YTHDF3: variants seen among roughly 807,000 people sequenced by gnomAD.
YTHDF3 encodes YTH domain-containing family protein 3.
A neutral mutation model predicts 52.5 loss-of-function variants in YTHDF3; 9 were observed. The observed-to-expected ratio is 0.17, with a 90% CI of 0.10 to 0.30. YTHDF3 has a LOEUF of 0.30. YTHDF3 is among the 10% of genes least tolerant of loss of function. The pLI is 1.00. For missense variants in YTHDF3, 534 were observed against 715.0 expected (o/e 0.75, Z 2.89); for synonymous variants, 274 against 243.3 (o/e 1.13, Z -1.18).
At chr8:63,186,057 T>C (rs1449362000) in intron 3 of YTHDF3, 90 bp from the exon 4 acceptor site, 1 of 1,321,570 alleles carries the variant, frequency 7.6e-7, no homozygotes, top group African/African-American at 1.5e-5. Context: ...TTTCATTTAC[T>C]TAAAACTTCT....
intron 4 of YTHDF3, among the ~76,000 whole-genome samples, chr8:63,193,651 A>G (rs1377095013): frequency 1.3e-5 from 2 of 152,282 alleles, no homozygotes; most frequent in South Asian, 2.1e-4. Flanking sequence ...TAATTTAAGA[A>G]AAGATAACCA....
rs147659318 is a variant in YTHDF3, at chr8:63,171,406, C to T, written c.49+1995C>T. ...TTTCTTTTCACTTTCCTCACTTAAT[C>T]TATTTTTAAGGTGCAGGAAGACTCC... On this transcript the variant is annotated intron_variant, in intron 2 of 4. Coordinates refer to ENST00000539294, the MANE Select transcript of YTHDF3 (RefSeq NM_152758.6). 4.2e-3 allele frequency among the ~76,000 whole-genome samples: 636 copies of T among 152,268 alleles called. 2 individuals carry two copies. Among genetic ancestry groups the T allele is most frequent in the African/African-American group, 0.012 (507 of 41,558 alleles).
chr8:63,204,653 C>T (rs567683379), intron 4 of YTHDF3, among the ~76,000 whole-genome samples: 21 of 152,236 alleles, frequency 1.4e-4, no homozygotes, highest in South Asian at 4.1e-4. Context: ...TGAGCCACCG[C>T]GCACCTGGCT....
At chr8:63,175,126 G>T (rs1467157644) in intron 2 of YTHDF3, among the ~76,000 whole-genome samples, 3 of 152,018 alleles carry the variant, frequency 2.0e-5, no homozygotes, top group Admixed American at 1.3e-4. Context: ...GTAATCTTGG[G>T]CTTATGTATC....
chr8:63,197,247 T>C (rs2150388993), intron 4 of YTHDF3, among the ~76,000 whole-genome samples: 1 of 152,372 alleles, frequency 6.6e-6, no homozygotes, highest in East Asian at 1.9e-4. Context: ...AGACATTTGT[T>C]AAAAGTGGAA....
chr8:63,183,540 G>A (rs534603363), intron 3 of YTHDF3, among the ~76,000 whole-genome samples: 4 of 152,222 alleles, frequency 2.6e-5, no homozygotes, highest in South Asian at 2.1e-4. Context: ...CTTTATAGAT[G>A]TATTTAAATA....
At chr8:63,168,605 G>C (rs1047264268), upstream of YTHDF3, 2 of 589,436 alleles carry the variant, frequency 3.4e-6, no homozygotes, top group East Asian at 6.2e-5. Context: ...AGGTCAGGGA[G>C]GCTCGGAGCG....
rs773544612 is a variant in YTHDF3, at chr8:63,187,667, T to C, written c.1656T>C (p.Thr552=). The change falls in exon 4 of 5, where the codon ACT becomes ACC. Residue 552 remains threonine, a synonymous_variant. Coordinates refer to ENST00000539294, the MANE Select transcript of YTHDF3 (RefSeq NM_152758.6). Reference sequence around the variant, plus strand: ...AGCAAGTGCTTAAAATAATTGCTACTTTCAAGCATACCACCTCAATCTTTG... The same window carrying C: ...AGCAAGTGCTTAAAATAATTGCTACCTTCAAGCATACCACCTCAATCTTTG... ...KAKQVLKIIA[T]FKHTTSIFDD... 1.3e-5 allele frequency: 21 copies of C among 1,611,244 alleles called. 1 individual carries two copies. In the South Asian group the frequency reaches 2.3e-4, roughly 18 times the overall value.
At chr8:63,180,184 G>A (rs1367080070) in intron 3 of YTHDF3, among the ~76,000 whole-genome samples, 5 of 151,740 alleles carry the variant, frequency 3.3e-5, no homozygotes, top group Non-Finnish European at 7.4e-5. Flanking sequence ...CAGACGGGGC[G>A]GCTTCCGGGC....
At chr8:63,175,818 C>T (rs1807649309) in intron 3 of YTHDF3, 1 of 154,006 alleles carries the variant, frequency 6.5e-6, no homozygotes, top group Non-Finnish European at 1.4e-5. Flanking sequence ...CTGAAATTGC[C>T]TGCAATTTTG....
chr8:63,181,791 T>G (rs1808156451), intron 3 of YTHDF3, among the ~76,000 whole-genome samples: 1 of 152,214 alleles, frequency 6.6e-6, no homozygotes. Flanking sequence ...ATCTGGCACA[T>G]ATAGCATTCA....
intron 4 of YTHDF3, among the ~76,000 whole-genome samples, chr8:63,202,770 T>C (rs1322968242): frequency 6.6e-6 from 1 of 152,090 alleles, no homozygotes; most frequent in East Asian, 1.9e-4. Context: ...GCCTTTGTTC[T>C]ACTCTTTAGC....
At chr8:63,168,990 C>A in intron 1 of YTHDF3, 89 bp downstream of exon 1, 1 of 1,508,290 alleles carries the variant, frequency 6.6e-7, no homozygotes, top group South Asian at 1.3e-5. Context: ...CCGTCGCCGC[C>A]GCTGCCGGCC....
intron 3 of YTHDF3, among the ~76,000 whole-genome samples, chr8:63,185,684 A>G (rs1418283617): frequency 1.3e-5 from 2 of 152,234 alleles, no homozygotes; most frequent in Non-Finnish European, 2.9e-5. Flanking sequence ...TCCATCATAT[A>G]GATAAGCTGT....
Position 63,209,863 on chromosome 8 carries a change from C to T in YTHDF3, c.*157C>T, listed in dbSNP as rs1810279254. 2 of 696,666 alleles carry T rather than the reference C, an allele frequency of 2.9e-6. No homozygotes were observed. Among genetic ancestry groups the T allele is most frequent in the African/African-American group, 1.8e-5 (1 of 54,956 alleles). The allele number at this position is 696,666 out of a possible 1,614,324, so 43.2% of individuals were successfully genotyped here. ...TGACTCTTCTCGTAATGGTTTTCAT[C>T]AGCGCATCTGCCCTTATACTCTTCA... On this transcript the variant is annotated 3_prime_UTR_variant, in exon 5 of 5. Transcript: ENST00000539294.
intron 4 of YTHDF3, among the ~76,000 whole-genome samples, chr8:63,199,743 G>C (rs1458127430): frequency 6.6e-6 from 1 of 152,046 alleles, no homozygotes; most frequent in African/African-American, 2.4e-5. Context: ...GTGCTTAACT[G>C]ACTTTACCTG....
At chr8:63,179,472 C>T (rs1024102668) in intron 3 of YTHDF3, among the ~76,000 whole-genome samples, 3 of 152,122 alleles carry the variant, frequency 2.0e-5, no homozygotes, top group East Asian at 1.9e-4. Flanking sequence ...CATCTTGCAC[C>T]GCTCTTAATC....
intron 1 of YTHDF3, 194 bp from the exon 2 acceptor site, chr8:63,169,193 G>A: frequency 7.3e-7 from 1 of 1,363,946 alleles, no homozygotes; most frequent in Non-Finnish European, 9.8e-7. Flanking sequence ...TCTGGGAGAC[G>A]GATTCCGAGT....
In YTHDF3 at chr8:63,176,523, G is replaced by T. The variant is rs79242004; in HGVS notation, c.135+1107G>T. Among the ~76,000 whole-genome samples the T allele has an allele frequency of 9.9e-5, 15 of 151,934 alleles. No homozygotes were observed. In the South Asian group the frequency reaches 1.2e-3, roughly 13 times the overall value. The stretch of plus-strand genomic sequence containing the variant: ...TCTCGATCTCCTGACCTCATGATCC[G>T]CCCGCCTCGGCCTCCCAAAGTGCTG... On this transcript the variant is annotated intron_variant, in intron 3 of 4. Transcript: ENST00000539294.
Sources: allele counts gnomAD v4.1 joint callset (sites outside exome capture counted in the v4.1 genomes callset), GRCh38; gene constraint gnomAD v4.1.1; transcripts MANE v1.5; gene names NCBI Gene and HGNC (gene_info 2026-07-23, HGNC 2026-07-21).